LCP2: variants seen among roughly 807,000 people sequenced by gnomAD.
LCP2 encodes 76 kDa tyrosine phosphoprotein.
In LCP2, 29 loss-of-function variants were observed where a neutral mutation model predicts 74.5. The observed-to-expected ratio is 0.39, with a 90% CI of 0.29 to 0.53. The LOEUF (loss-of-function observed/expected upper bound fraction) is 0.53, where lower values mean the gene tolerates loss of function less well. Among genes scored for constraint, LCP2 ranks in the 20% least tolerant of loss-of-function variants. LCP2 has a pLI of 0.72. For synonymous variants in LCP2, 228 were observed against 229.5 expected (o/e 0.99, Z 0.06); for missense variants, 604 against 634.6 (o/e 0.95, Z 0.52).
chr5:170,249,494 TTTTTGG>T (rs995898063), intron 20 of LCP2, among the ~76,000 whole-genome samples: 8 of 151,824 alleles, frequency 5.3e-5, no homozygotes, highest in Non-Finnish European at 1.0e-4. Flanking sequence ...GGTTGCTCTG[TTTTTGG>T]TTTTGGTTTT....
intron 17 of LCP2, among the ~76,000 whole-genome samples, chr5:170,254,606 A>C (rs1182316480): frequency 6.6e-6 from 1 of 152,084 alleles, no homozygotes. Flanking sequence ...TTTTTTTTGC[A>C]GTCCAACACT....
chr5:170,253,065 A>T (rs1761480692), intron 18 of LCP2, 54 bp downstream of exon 18: 2 of 1,127,450 alleles, frequency 1.8e-6, no homozygotes, highest in Non-Finnish European at 2.6e-6. Flanking sequence ...GTTTCTGGTG[A>T]TTCTTTTACC....
At chr5:170,258,951 CTCAA>C in intron 14 of LCP2, 73 bp from the exon 15 acceptor site, 1 of 1,019,314 alleles carries the variant, frequency 9.8e-7, no homozygotes, top group East Asian at 2.6e-5. Flanking sequence ...AACTGCATTT[CTCAA>C]TCAAATAAAT....
At chr5:170,276,154 C>G (rs1762004385) in intron 3 of LCP2, among the ~76,000 whole-genome samples, 1 of 151,920 alleles carries the variant, frequency 6.6e-6, no homozygotes, top group African/African-American at 2.4e-5. Flanking sequence ...AAAGACTTGT[C>G]AGCTCACACC....
At chr5:170,271,300 T>C (rs1761893651) in intron 6 of LCP2, among the ~76,000 whole-genome samples, 2 of 152,208 alleles carry the variant, frequency 1.3e-5, no homozygotes, top group South Asian at 2.1e-4. Flanking sequence ...TTTGTGATGA[T>C]ACTAGTTAAT....
Position 170,253,354 on chromosome 5 carries a change from G to A in LCP2, c.1151-141C>T, listed in dbSNP as rs1761490112. 1.7e-5 allele frequency: 9 copies of A among 521,898 alleles called. No individual in the cohort carries two copies. In the East Asian group the frequency reaches 2.9e-4, roughly 17 times the overall value. The allele number at this position is 521,898 out of a possible 1,614,324, so 32.3% of individuals were successfully genotyped here. A position where few individuals can be genotyped will look rare whatever the true frequency, so the allele number is the denominator to read the frequency against. ...ATAGTTCGCATTTTAAGAAACAAGG[G>A]CTTCAAAAATAATTTTCATCTGTTT... On this transcript the variant is annotated intron_variant, in intron 17 of 20. Coordinates refer to ENST00000046794, the MANE Select transcript of LCP2 (RefSeq NM_005565.5).
chr5:170,252,585 T>G, intron 18 of LCP2, 74 bp from the exon 19 acceptor site: 1 of 721,338 alleles, frequency 1.4e-6, no homozygotes, highest in South Asian at 1.7e-5. Context: ...AGCCTCTGAG[T>G]AATCATTTCC....
chr5:170,263,414 G>A (rs1761697765), intron 10 of LCP2, among the ~76,000 whole-genome samples: 1 of 152,158 alleles, frequency 6.6e-6, no homozygotes, highest in Non-Finnish European at 1.5e-5. Context: ...CACGGAGAGG[G>A]TAACTTTTAT....
rs930625700 is a variant in LCP2 at position 170,268,855 on chromosome 5, A to C, written c.524-373T>G. ...TACGCATACCTCTGTATGCAGACACACAGATATACACATGTGCACACATGC... is the reference window on the plus strand; with the variant it reads ...TACGCATACCTCTGTATGCAGACACCCAGATATACACATGTGCACACATGC... On this transcript the variant is annotated intron_variant, in intron 7 of 20. Transcript: ENST00000046794. Among the ~76,000 whole-genome samples the C allele has an allele frequency of 2.0e-5, 3 of 152,382 alleles. No individual in the cohort carries two copies. In the East Asian group the frequency reaches 5.8e-4, roughly 29 times the overall value.
chr5:170,295,908 A>C (rs1762372180), intron 1 of LCP2, among the ~76,000 whole-genome samples: 1 of 152,100 alleles, frequency 6.6e-6, no homozygotes, highest in Admixed American at 6.6e-5. Flanking sequence ...CCCTTCCCCC[A>C]GCTCAGGCAG....
chr5:170,292,714 C>T (rs1017120832), intron 2 of LCP2, among the ~76,000 whole-genome samples: 2 of 152,170 alleles, frequency 1.3e-5, no homozygotes, highest in African/African-American at 4.8e-5. Context: ...ATGCTCAAAC[C>T]ACCTCCCCGA....
At chr5:170,294,436 A>G (rs1301525994) in intron 1 of LCP2, among the ~76,000 whole-genome samples, 5 of 152,188 alleles carry the variant, frequency 3.3e-5, no homozygotes, top group Non-Finnish European at 7.3e-5. Flanking sequence ...CTTGTCCTCA[A>G]CAGCATAAAT....
chr5:170,249,506 GT>G (rs957174644), intron 20 of LCP2, among the ~76,000 whole-genome samples: 14 of 151,676 alleles, frequency 9.2e-5, no homozygotes, highest in Non-Finnish European at 1.9e-4. Flanking sequence ...TTTGGTTTTG[GT>G]TTTGGTTTCT....
intron 4 of LCP2, 66 bp downstream of exon 4, chr5:170,275,729 G>T: frequency 7.6e-7 from 1 of 1,311,072 alleles, no homozygotes; most frequent in Non-Finnish European, 1.1e-6. Flanking sequence ...ACAGTTCTGT[G>T]CCTCCCTTTT....
intron 20 of LCP2, among the ~76,000 whole-genome samples, chr5:170,249,822 A>C (rs951949939): frequency 8.5e-5 from 13 of 152,204 alleles, no homozygotes; most frequent in Admixed American, 5.2e-4. Flanking sequence ...ACTTCCTTTA[A>C]GACTAATCTG....
intron 2 of LCP2, among the ~76,000 whole-genome samples, chr5:170,288,326 T>C (rs550403421): frequency 8.5e-5 from 13 of 152,334 alleles, no homozygotes; most frequent in Admixed American, 3.3e-4. Context: ...GCTAAATCTG[T>C]GAAACCAAAC....
intron 3 of LCP2, among the ~76,000 whole-genome samples, chr5:170,280,361 T>C (rs1462416663): frequency 6.6e-6 from 1 of 151,784 alleles, no homozygotes; most frequent in Non-Finnish European, 1.5e-5. Flanking sequence ...ATTCCCACTC[T>C]CAGCCCTGCT....
chr5:170,253,253 G>A, intron 17 of LCP2, 40 bp from the exon 18 acceptor site: 2 of 1,346,958 alleles, frequency 1.5e-6, no homozygotes, highest in East Asian at 2.5e-5. Context: ...TTTACTGTAA[G>A]CTATTGTTTG....
intron 3 of LCP2, among the ~76,000 whole-genome samples, chr5:170,283,270 A>T (rs1762133024): frequency 6.6e-6 from 1 of 152,132 alleles, no homozygotes; most frequent in Non-Finnish European, 1.5e-5. Flanking sequence ...ACCCCAGCCC[A>T]TTCGCAATGT....
Sources: gnomAD v4.1 joint callset for allele counts (sites outside exome capture counted in the v4.1 genomes callset) on GRCh38, gnomAD v4.1.1 for gene constraint, MANE v1.5 for transcripts, NCBI Gene and HGNC (gene_info 2026-07-23, HGNC 2026-07-21) for gene names.